The following MMP20 variants were observed in gnomAD, a reference collection of about 807,000 sequenced individuals.
MMP20 encodes matrix metallopeptidase 20, also known as matrix metalloproteinase-20.
Under a neutral mutation model 51.8 loss-of-function variants are expected in MMP20, and 50 were observed. The observed-to-expected ratio is 0.97, with a 90% CI of 0.77 to 1.22. MMP20 has a LOEUF of 1.22. MMP20 is among the 50% of genes most tolerant of loss of function. The pLI is 0.00. For missense variants in MMP20, 663 were observed against 601.4 expected, an observed-to-expected ratio of 1.10 and a Z score of -1.07; for synonymous variants, 244 against 216.2, an observed-to-expected ratio of 1.13 and a Z score of -1.13.
At position 102,616,976 on chromosome 11, in the gene MMP20, C is replaced by T. The variant is rs140041158; in HGVS notation, c.210G>A (p.Arg70=). Reference sequence around the variant, plus strand: ...AGAACGCTTGTAGCTCCTTAATCTTCCTTATCATGGAATTGCTTCCTCTTG... The same window carrying T: ...AGAACGCTTGTAGCTCCTTAATCTTTCTTATCATGGAATTGCTTCCTCTTG... ...MVARGSNSMI[R]KIKELQAFFG... Residue 70 remains arginine (R), a synonymous_variant, in exon 2 of 10, where the codon AGG becomes AGA. Transcript: ENST00000260228. 60 of 1,614,196 alleles carry T rather than the reference C, an allele frequency of 3.7e-5. 1 individual carries two copies. The African/African-American group carries it at 6.7e-4, about 18-fold the overall frequency.
intron 1 of MMP20, among the ~76,000 whole-genome samples, chr11:102,618,852 GAGTA>G (rs1859709325): frequency 6.6e-6 from 1 of 152,094 alleles, no homozygotes; most frequent in African/African-American, 2.4e-5. Flanking sequence ...AAATAAAAAG[GAGTA>G]AGTATCACTC....
At position 102,616,982 on chromosome 11, in the gene MMP20, C is replaced by T. The variant is rs755969576; in HGVS notation, c.204G>A (p.Met68Ile). Reference sequence around the variant, plus strand: ...CTTGTAGCTCCTTAATCTTCCTTATCATGGAATTGCTTCCTCTTGCAACCA... The same window carrying T: ...CTTGTAGCTCCTTAATCTTCCTTATTATGGAATTGCTTCCTCTTGCAACCA... Reference protein sequence around the residue: ...GEMVARGSNSMIRKIKELQAF... With the variant: ...GEMVARGSNSIIRKIKELQAF... Residue 68 changes from methionine (M) to isoleucine (I), a missense_variant, in exon 2 of 10, where the codon ATG (methionine) becomes ATA (isoleucine). Physicochemically the swap from Met to Ile is conservative, Grantham distance 10. Transcript: ENST00000260228. 1.4e-5 allele frequency: 22 copies of T among 1,614,078 alleles called. No homozygotes were observed. Among genetic ancestry groups the T allele is most frequent in the Non-Finnish European group, 9.3e-6 (11 of 1,180,046 alleles).
At chr11:102,616,686 C>T in intron 2 of MMP20, 126 bp downstream of exon 2, 1 of 1,274,748 alleles carries the variant, frequency 7.8e-7, no homozygotes, top group African/African-American at 1.5e-5. Flanking sequence ...GTAAAAAGTT[C>T]TTATTCTTAT....
At chr11:102,599,656 C>G (rs1859423051) in intron 6 of MMP20, among the ~76,000 whole-genome samples, 1 of 152,140 alleles carries the variant, frequency 6.6e-6, no homozygotes, top group Non-Finnish European at 1.5e-5. Flanking sequence ...TAGAGTTTAT[C>G]AATATAGCCA....
chr11:102,584,926 G>A (rs1859237710), intron 8 of MMP20, among the ~76,000 whole-genome samples: 1 of 152,128 alleles, frequency 6.6e-6, no homozygotes, highest in Non-Finnish European at 1.5e-5. Flanking sequence ...AAAATCAGTT[G>A]CCCATAGATA....
chr11:102,588,750 T>C (rs1014724145), intron 8 of MMP20, among the ~76,000 whole-genome samples: 1 of 152,222 alleles, frequency 6.6e-6, no homozygotes, highest in Admixed American at 6.5e-5. Context: ...CTAAAGAACT[T>C]TCTTTAGTAT....
chr11:102,593,405 T>C (rs758870448), intron 8 of MMP20, 34 bp downstream of exon 8: 1 of 1,596,972 alleles, frequency 6.3e-7, no homozygotes, highest in South Asian at 1.1e-5. Context: ...TCTCATTAAA[T>C]AAAGATAGAT....
chr11:102,593,333 G>A (rs780801800), intron 8 of MMP20, 106 bp downstream of exon 8: 24 of 1,165,544 alleles, frequency 2.1e-5, no homozygotes, highest in East Asian at 1.5e-4. Context: ...AAGAGTCAAC[G>A]GGCCTATCGC....
chr11:102,609,111 A>AG lies in MMP20; in HGVS notation c.650-14dup. 1.2e-6 allele frequency: 2 copies of AG among 1,613,746 alleles called. No homozygotes were observed. Among genetic ancestry groups the AG allele is most frequent in the Non-Finnish European group, 1.7e-6 (2 of 1,179,658 alleles). On this transcript the variant is annotated splice_polypyrimidine_tract_variant and intron_variant, in intron 4 of 9. Coordinates refer to ENST00000260228, the MANE Select transcript of MMP20 (RefSeq NM_004771.4). The stretch of plus-strand genomic sequence containing the variant: ...AACAAATTAAAACCTAGACAATATG[A>AG]GAGAGAAAAAAACAGTATCAACACA...
At chr11:102,622,612 A>G (rs913816896) in intron 1 of MMP20, among the ~76,000 whole-genome samples, 4 of 152,112 alleles carry the variant, frequency 2.6e-5, no homozygotes, top group Non-Finnish European at 4.4e-5. Context: ...ACACTCTGTC[A>G]TCCTGATTAA....
chr11:102,590,694 TG>T (rs1859307162), intron 8 of MMP20, among the ~76,000 whole-genome samples: 2 of 152,188 alleles, frequency 1.3e-5, no homozygotes, highest in Non-Finnish European at 2.9e-5. Flanking sequence ...ACACTTTCAG[TG>T]GATGTCAATG....
In MMP20 at chr11:102,613,962, G is replaced by A. The variant is rs191079373; in HGVS notation, c.375-2059C>T. Among the ~76,000 whole-genome samples the A allele has an allele frequency of 2.0e-5, 3 of 152,324 alleles. No individual in the cohort carries two copies. In the East Asian group the frequency reaches 5.8e-4, roughly 29 times the overall value. On this transcript the variant is annotated intron_variant, in intron 2 of 9. Coordinates refer to ENST00000260228, the MANE Select transcript of MMP20 (RefSeq NM_004771.4). Reference sequence around the variant, plus strand: ...TTGGCCTGGAGAAGACAAGGAAGGAGAGAGGGATAGCACCAGAGAAGAAGA... The same window carrying A: ...TTGGCCTGGAGAAGACAAGGAAGGAAAGAGGGATAGCACCAGAGAAGAAGA...
intron 9 of MMP20, among the ~76,000 whole-genome samples, chr11:102,578,792 CAAAA>C (rs141523340): frequency 2.9e-5 from 4 of 136,462 alleles, no homozygotes; most frequent in Admixed American, 1.5e-4. Flanking sequence ...CACACACACA[CAAAA>C]ACAAAAACAA....
At position 102,577,394 on chromosome 11, in the gene MMP20, A is replaced by G. The variant is rs779470320; in HGVS notation, c.1384T>C (p.Tyr462His). ...TCTTCCTTCTCTGTGTCATACTTGT[A>G]TGTTTTTGGTCCTGAAAAGAAGTAA... Reference protein sequence around the residue: ...YIYFFSGPKTYKYDTEKEDVV... With the variant: ...YIYFFSGPKTHKYDTEKEDVV... Residue 462 changes from tyrosine to histidine, a missense_variant, in exon 10 of 10, where the codon TAC becomes CAC. Physicochemically the swap from Tyr to His is moderately conservative, Grantham distance 83. Transcript: ENST00000260228. 1.7e-5 allele frequency: 28 copies of G among 1,614,036 alleles called. No individual in the cohort carries two copies. Among genetic ancestry groups the G allele is most frequent in the Non-Finnish European group, 2.4e-5 (28 of 1,179,902 alleles).
chr11:102,578,348 G>A (rs1859150950), intron 9 of MMP20, among the ~76,000 whole-genome samples: 2 of 152,030 alleles, frequency 1.3e-5, no homozygotes. Context: ...TATTGCCCAA[G>A]CTGGTATTGA....
intron 6 of MMP20, among the ~76,000 whole-genome samples, chr11:102,603,474 C>T (rs1453651129): frequency 6.6e-6 from 1 of 152,158 alleles, no homozygotes; most frequent in Non-Finnish European, 1.5e-5. Flanking sequence ...AGCTCCACCC[C>T]TTACTAGCTA....
In MMP20 at chr11:102,577,028, G is replaced by C. The variant is rs775754440; in HGVS notation, c.*298C>G. The C allele has an allele frequency of 3.1e-6, 1 of 326,014 alleles. No individual in the cohort carries two copies. Among genetic ancestry groups the C allele is most frequent in the African/African-American group, 2.1e-5 (1 of 47,088 alleles). The allele number at this position is 326,014 out of a possible 1,614,324, so 20.2% of individuals were successfully genotyped here. ...TTCCTCCTGGAAATAAAAATCAAAC[G>C]GATCAATCTGCTTCAGTATATTAGG... On this transcript the variant is annotated 3_prime_UTR_variant, in exon 10 of 10. Coordinates refer to ENST00000260228, the MANE Select transcript of MMP20 (RefSeq NM_004771.4).
rs1859135721 is a variant in MMP20, at chr11:102,577,187, T to G, written c.*139A>C. 2 of 668,152 alleles carry G rather than the reference T, an allele frequency of 3.0e-6. No individual in the cohort carries two copies. The highest frequency in any genetic ancestry group is 3.4e-5 in the South Asian group (2 of 58,578). 41.4% of individuals were successfully genotyped at this position (668,152 alleles called of 1,614,324 possible). A position where few individuals can be genotyped will look rare whatever the true frequency, so the allele number is the denominator to read the frequency against. The stretch of plus-strand genomic sequence containing the variant: ...ACAACTATGAAAAAAATTGGAAGTA[T>G]TATTATTCTCAGTGAATTCTAATTT... On this transcript the variant is annotated 3_prime_UTR_variant, in exon 10 of 10. Coordinates refer to ENST00000260228, the MANE Select transcript of MMP20 (RefSeq NM_004771.4).
intron 8 of MMP20, among the ~76,000 whole-genome samples, chr11:102,589,474 G>T (rs1350780943): frequency 6.6e-6 from 1 of 152,158 alleles, no homozygotes; most frequent in East Asian, 1.9e-4. Context: ...AAGATCTGTT[G>T]AGGGCATTAA....
Sources: allele counts gnomAD v4.1 joint callset (sites outside exome capture counted in the v4.1 genomes callset), GRCh38; gene constraint gnomAD v4.1.1; transcripts MANE v1.5; gene names NCBI Gene and HGNC (gene_info 2026-07-23, HGNC 2026-07-21).